Variants in SLC14A2 observed in about 807,000 individuals in gnomAD.
The protein encoded by SLC14A2 is urea transporter 2.
Under a neutral mutation model 104.6 loss-of-function variants are expected in SLC14A2, and 91 were observed. That is an observed-to-expected ratio of 0.87 (90% confidence interval 0.73 to 1.04). The LOEUF is 1.04. SLC14A2 is among the 50% of genes least tolerant of loss of function. SLC14A2 has a pLI of 0.00. For synonymous variants in SLC14A2, 476 were observed against 466.4 expected (o/e 1.02, Z -0.27); for missense variants, 1,189 against 1,156.0 (o/e 1.03, Z -0.41).
intron 1 of SLC14A2, among the ~76,000 whole-genome samples, chr18:45,364,234 C>T (rs529460215): frequency 1.3e-5 from 2 of 152,170 alleles, no homozygotes; most frequent in Admixed American, 6.5e-5. Flanking sequence ...ACATCATATA[C>T]TTCTGGTATT....
intron 1 of SLC14A2, among the ~76,000 whole-genome samples, chr18:45,289,082 C>T (rs889651484): frequency 6.6e-6 from 1 of 152,190 alleles, no homozygotes; most frequent in Non-Finnish European, 1.5e-5. Context: ...TTCTCAGCCA[C>T]CTCAACAAGA....
chr18:45,643,108 C>G, intron 8 of SLC14A2, 24 bp from the exon 9 acceptor site: 2 of 1,613,642 alleles, frequency 1.2e-6, no homozygotes, highest in Non-Finnish European at 1.7e-6. Context: ...GAAGCTCACT[C>G]TGGTGATCCT....
chr18:45,606,970 T>C (rs922262621), intron 2 of SLC14A2, among the ~76,000 whole-genome samples: 1 of 152,112 alleles, frequency 6.6e-6, no homozygotes, highest in Non-Finnish European at 1.5e-5. Flanking sequence ...GTATTTCCCA[T>C]CCTCAAGGCT....
rs573719443 is a variant in SLC14A2 at position 45,579,918 on chromosome 18, G to A, written c.-34-44713G>A. Among the ~76,000 whole-genome samples the A allele has an allele frequency of 3.0e-4, 46 of 152,306 alleles. 1 individual carries two copies. Among genetic ancestry groups the A allele is most frequent in the African/African-American group, 1.1e-3 (44 of 41,570 alleles). Reference sequence around the variant, plus strand: ...AACCATGCAAAGAGTTAAGAAGAAAGAATACCACGTGGGAGAACACTATGT... The same window carrying A: ...AACCATGCAAAGAGTTAAGAAGAAAAAATACCACGTGGGAGAACACTATGT... On this transcript the variant is annotated intron_variant, in intron 2 of 20. Coordinates refer to the SLC14A2 transcript ENST00000586448.
chr18:45,530,334 A>G (rs1421725426), intron 2 of SLC14A2, among the ~76,000 whole-genome samples: 1 of 152,212 alleles, frequency 6.6e-6, no homozygotes, highest in Non-Finnish European at 1.5e-5. Flanking sequence ...AGCAAATGCT[A>G]AAATGAAATG....
chr18:45,649,300 G>T (rs1190930319), intron 10 of SLC14A2, among the ~76,000 whole-genome samples: 6 of 152,104 alleles, frequency 3.9e-5, no homozygotes, highest in African/African-American at 1.2e-4. Flanking sequence ...AGGAACTAAG[G>T]CCTTTGAAAT....
chr18:45,586,107 A>G (rs76408890), intron 2 of SLC14A2, among the ~76,000 whole-genome samples: 3,465 of 152,260 alleles, frequency 0.023, 140 homozygotes, highest in African/African-American at 0.079. Context: ...GATAAATACT[A>G]TTAGGTTTGC....
chr18:45,311,131 T>G (rs1284500789), intron 1 of SLC14A2, among the ~76,000 whole-genome samples: 3 of 152,290 alleles, frequency 2.0e-5, no homozygotes, highest in Admixed American at 1.3e-4. Flanking sequence ...TTTTAGGCTT[T>G]GCATACACAG....
chr18:45,257,663 T>C lies in SLC14A2; in HGVS notation c.-125+44472T>C, dbSNP rs57243007. On this transcript the variant is annotated intron_variant, in intron 1 of 20. Coordinates refer to the SLC14A2 transcript ENST00000586448. ...TCTTAAAATATCAGTATATTGGAGA[T>C]TTCCTCCATTTCTCCAACCTCATAG... 2.4e-3 allele frequency among the ~76,000 whole-genome samples: 369 copies of C among 152,300 alleles called. 1 individual carries two copies. Among genetic ancestry groups the C allele is most frequent in the African/African-American group, 8.3e-3 (344 of 41,566 alleles).
intron 1 of SLC14A2, among the ~76,000 whole-genome samples, chr18:45,309,765 G>A (rs1394515766): frequency 6.6e-6 from 1 of 152,066 alleles, no homozygotes; most frequent in Non-Finnish European, 1.5e-5. Context: ...GAACATTTTT[G>A]TAGCCACTAC....
At chr18:45,409,332 G>C (rs550361144) in intron 1 of SLC14A2, among the ~76,000 whole-genome samples, 1 of 152,134 alleles carries the variant, frequency 6.6e-6, no homozygotes, top group East Asian at 1.9e-4. Flanking sequence ...TTCACCCTGG[G>C]CCACTGAAAA....
intron 1 of SLC14A2, among the ~76,000 whole-genome samples, chr18:45,326,523 C>A (rs938852566): frequency 1.3e-5 from 2 of 152,230 alleles, no homozygotes; most frequent in African/African-American, 4.8e-5. Context: ...TCCCCAACTC[C>A]TCTGCCCCTT....
At chr18:45,212,193 G>T (rs186684471), upstream of SLC14A2, among the ~76,000 whole-genome samples, 2 of 152,194 alleles carry the variant, frequency 1.3e-5, no homozygotes, top group East Asian at 1.9e-4. Context: ...TTGCATAGAA[G>T]GTATTTTCAT....
intron 4 of SLC14A2, among the ~76,000 whole-genome samples, chr18:45,629,013 C>A (rs2045303973): frequency 6.6e-6 from 1 of 152,180 alleles, no homozygotes; most frequent in African/African-American, 2.4e-5. Context: ...GGTGCCACAG[C>A]CAGTGGGTGG....
At chr18:45,655,042 C>T (rs753043985) in intron 10 of SLC14A2, among the ~76,000 whole-genome samples, 10 of 152,206 alleles carry the variant, frequency 6.6e-5, no homozygotes, top group Non-Finnish European at 1.3e-4. Context: ...TGGCCTCTCT[C>T]CTCAGTTCCT....
intron 2 of SLC14A2, among the ~76,000 whole-genome samples, chr18:45,527,455 A>G (rs1160389836): frequency 1.4e-4 from 21 of 152,376 alleles, no homozygotes; most frequent in African/African-American, 5.0e-4. Context: ...GCAAGAAGAC[A>G]GGCTTCCCTT....
chr18:45,307,350 G>A lies in SLC14A2; in HGVS notation c.-125+94159G>A, dbSNP rs2085032986. On this transcript the variant is annotated intron_variant, in intron 1 of 20. Coordinates refer to the SLC14A2 transcript ENST00000586448. ...GGAGAATCGCTTGAACCCGGGAGGT[G>A]GAGGTTGCAGTGAGCCGAGATCACA... Among the ~76,000 whole-genome samples the A allele has an allele frequency of 2.7e-5, 4 of 148,808 alleles. 1 individual carries two copies. The South Asian group carries it at 8.7e-4, about 32-fold the overall frequency.
At chr18:45,453,847 GTTTTT>G (rs56084837) in intron 1 of SLC14A2, among the ~76,000 whole-genome samples, 1 of 91,342 alleles carries the variant, frequency 1.1e-5, no homozygotes, top group African/African-American at 4.3e-5. Context: ...TTTCTTTTCT[GTTTTT>G]TTTTTTTTTT....
chr18:45,328,808 C>T (rs1259720345), intron 1 of SLC14A2, among the ~76,000 whole-genome samples: 2 of 152,162 alleles, frequency 1.3e-5, no homozygotes, highest in Admixed American at 6.5e-5. Context: ...CATTGCAAAT[C>T]TTGTTATTTT....
Sources: gnomAD v4.1 joint callset for allele counts (sites outside exome capture counted in the v4.1 genomes callset) on GRCh38, gnomAD v4.1.1 for gene constraint, MANE v1.5 for transcripts, NCBI Gene and HGNC (gene_info 2026-07-23, HGNC 2026-07-21) for gene names.